The following APELA variants were observed in gnomAD, a reference collection of about 807,000 sequenced individuals.
APELA encodes the protein protein Elabela.
chr4:164,886,429 AT>A (rs1191626195), intron 2 of APELA, among the ~76,000 whole-genome samples: 1 of 152,060 alleles, frequency 6.6e-6, no homozygotes, highest in African/African-American at 2.4e-5. Flanking sequence ...AGGTGGGAGG[AT>A]CTTTTAAGAC....
In APELA at chr4:164,896,778, G is replaced by C. The variant is rs1730982173; in HGVS notation, c.*1364G>C. 1 of 150,350 alleles carries C rather than the reference G, an allele frequency of 6.7e-6. No homozygotes were observed. The highest frequency in any genetic ancestry group is 1.9e-4 in the East Asian group (1 of 5,182). The allele number at this position is 150,350 out of a possible 1,614,324, so 9.3% of individuals were successfully genotyped here. Reference sequence around the variant, plus strand: ...TTAATTCCAGATAAGAAATTTACAAGTTTATATCTTTTTTTTTCTTTTTTT... The same window carrying C: ...TTAATTCCAGATAAGAAATTTACAACTTTATATCTTTTTTTTTCTTTTTTT... On this transcript the variant is annotated 3_prime_UTR_variant, in exon 3 of 3. Transcript: ENST00000507152.
chr4:164,878,907 C>G lies in APELA; in HGVS notation c.77-13C>G, dbSNP rs1468564468. 6 of 398,808 alleles carry G rather than the reference C, an allele frequency of 1.5e-5. No individual in the cohort carries two copies. The East Asian group carries it at 2.1e-4, about 14-fold the overall frequency. 24.7% of individuals were successfully genotyped at this position (398,808 alleles called of 1,614,324 possible). ...TGAAAAATGCTCCTAATACTTCTCT[C>G]TTTTTCCTTCAGTTAATTTGACCAT... On this transcript the variant is annotated splice_polypyrimidine_tract_variant and intron_variant, in intron 1 of 2. Transcript: ENST00000507152.
intron 2 of APELA, among the ~76,000 whole-genome samples, chr4:164,885,987 C>T (rs948973142): frequency 5.3e-5 from 8 of 152,154 alleles, no homozygotes; most frequent in East Asian, 1.9e-4. Flanking sequence ...TTCCTCATGA[C>T]GACCACCCTA....
intron 2 of APELA, among the ~76,000 whole-genome samples, chr4:164,881,237 C>T (rs1263309730): frequency 6.6e-6 from 1 of 152,182 alleles, no homozygotes; most frequent in African/African-American, 2.4e-5. Flanking sequence ...ACACCCCTTT[C>T]ACTTCTTCCC....
At chr4:164,881,640 G>A (rs1359112922) in intron 2 of APELA, among the ~76,000 whole-genome samples, 1 of 151,998 alleles carries the variant, frequency 6.6e-6, no homozygotes, top group East Asian at 1.9e-4. Flanking sequence ...ACAGGTTAAT[G>A]TGAGGGCCCT....
chr4:164,883,661 A>G (rs1192718831), intron 2 of APELA, among the ~76,000 whole-genome samples: 2 of 151,460 alleles, frequency 1.3e-5, no homozygotes, highest in African/African-American at 2.4e-5. Context: ...TAATTTTAAG[A>G]TTTTTTGTAG....
intron 2 of APELA, among the ~76,000 whole-genome samples, chr4:164,894,280 G>A (rs942467782): frequency 6.6e-5 from 10 of 152,146 alleles, no homozygotes; most frequent in Non-Finnish European, 1.0e-4. Flanking sequence ...AGCCAAGATC[G>A]TGCCACTGTG....
intron 2 of APELA, among the ~76,000 whole-genome samples, chr4:164,883,150 T>C (rs1730693877): frequency 2.0e-5 from 3 of 152,194 alleles, no homozygotes; most frequent in Non-Finnish European, 4.4e-5. Context: ...TTCATCCTTC[T>C]CACTCCATTC....
chr4:164,891,053 A>T (rs114369618), intron 2 of APELA, among the ~76,000 whole-genome samples: 2,017 of 151,998 alleles, frequency 0.013, 39 homozygotes, highest in African/African-American at 0.043. Flanking sequence ...TCCTTTGCCC[A>T]TTTTTCAGTT....
chr4:164,890,866 C>T (rs913290857), intron 2 of APELA, among the ~76,000 whole-genome samples: 3 of 152,138 alleles, frequency 2.0e-5, no homozygotes, highest in African/African-American at 4.8e-5. Context: ...CAGCAGTATA[C>T]GTGGGTTTTA....
At chr4:164,886,774 C>A (rs989033090) in intron 2 of APELA, among the ~76,000 whole-genome samples, 2 of 152,032 alleles carry the variant, frequency 1.3e-5, no homozygotes, top group Admixed American at 6.6e-5. Flanking sequence ...TTCCTCTGAA[C>A]AAAGTATGTA....
chr4:164,878,198 A>AAGAAAGAAAGAAAGAAAGAAAGAAAGAC, intron 1 of APELA, among the ~76,000 whole-genome samples: 1 of 150,860 alleles, frequency 6.6e-6, no homozygotes, highest in Non-Finnish European at 1.5e-5. Context: ...AAACAGAAAA[A>AAGAAAGAAAGAAAGAAAGAAAGAAAGAC]AGAAAGAAAG....
At chr4:164,898,847 T>C (rs1731024415), downstream of APELA, 1 of 152,166 alleles carries the variant, frequency 6.6e-6, no homozygotes, top group Non-Finnish European at 1.5e-5. Flanking sequence ...TACCCTCTGT[T>C]TAGGGACAGG....
downstream of APELA, among the ~76,000 whole-genome samples, chr4:164,898,425 C>T (rs1265699509): frequency 2.0e-5 from 3 of 150,444 alleles, no homozygotes; most frequent in East Asian, 5.9e-4. Flanking sequence ...TTGCTTGAAC[C>T]TGGGAGGAAG....
intron 2 of APELA, among the ~76,000 whole-genome samples, chr4:164,886,378 A>G (rs999850135): frequency 6.6e-6 from 1 of 152,204 alleles, no homozygotes; most frequent in Non-Finnish European, 1.5e-5. Context: ...CCAGCCAGCC[A>G]CAGTGGCTCA....
chr4:164,892,374 G>A (rs1341682592), intron 2 of APELA, among the ~76,000 whole-genome samples: 4 of 151,994 alleles, frequency 2.6e-5, no homozygotes, highest in Non-Finnish European at 4.4e-5. Flanking sequence ...ACATATATAT[G>A]TATATATATT....
chr4:164,898,552 A>G (rs989440106), downstream of APELA, among the ~76,000 whole-genome samples: 1 of 151,970 alleles, frequency 6.6e-6, no homozygotes, highest in Non-Finnish European at 1.5e-5. Context: ...TTTTCAGAAC[A>G]CAAAGGAAAA....
chr4:164,894,536 C>A (rs535900267), intron 2 of APELA, among the ~76,000 whole-genome samples: 3 of 151,938 alleles, frequency 2.0e-5, no homozygotes, highest in Admixed American at 2.0e-4. Context: ...CGTGCCTCAG[C>A]GGGGAATATA....
At chr4:164,888,836 G>A (rs1392294113) in intron 2 of APELA, among the ~76,000 whole-genome samples, 1 of 152,136 alleles carries the variant, frequency 6.6e-6, no homozygotes, top group Non-Finnish European at 1.5e-5. Context: ...TTCTCTGTAA[G>A]TTTGTCAAAT....
Sources: gnomAD v4.1 joint callset for allele counts (sites outside exome capture counted in the v4.1 genomes callset) on GRCh38, gnomAD v4.1.1 for gene constraint, MANE v1.5 for transcripts, NCBI Gene and HGNC (gene_info 2026-07-23, HGNC 2026-07-21) for gene names.